IQCJ: variants seen among roughly 807,000 people sequenced by gnomAD.
IQCJ encodes the protein IQ motif containing J, also known as IQ domain-containing protein J.
In IQCJ, 9 loss-of-function variants were observed where a neutral mutation model predicts 11.0. The ratio of observed to expected loss-of-function variants is 0.82; its 90% CI spans 0.49 to 1.43. The LOEUF (loss-of-function observed/expected upper bound fraction) is 1.43. Among genes scored for constraint, IQCJ ranks in the 40% most tolerant of loss-of-function variants. The probability of loss-of-function intolerance (pLI) is 0.00; values close to 1 mark genes in which losing one functional copy is unlikely to be tolerated. For synonymous variants in IQCJ, 55 were observed against 51.3 expected, an observed-to-expected ratio of 1.07 and a Z score of -0.31; for missense variants, 146 against 133.2, an observed-to-expected ratio of 1.10 and a Z score of -0.47.
chr3:159,094,159 C>T (rs778677600), intron 1 of IQCJ, among the ~76,000 whole-genome samples: 5 of 151,754 alleles, frequency 3.3e-5, no homozygotes, highest in Non-Finnish European at 7.3e-5. Context: ...ACATTTCCTT[C>T]ATTCACAATA....
intron 1 of IQCJ, among the ~76,000 whole-genome samples, chr3:159,238,251 T>C (rs908835127): frequency 2.0e-5 from 3 of 152,168 alleles, no homozygotes; most frequent in Non-Finnish European, 4.4e-5. Context: ...TTCTTTCTTC[T>C]GCTACCCTCT....
At chr3:159,155,578 T>C in intron 1 of IQCJ, among the ~76,000 whole-genome samples, 1 of 152,252 alleles carries the variant, frequency 6.6e-6, no homozygotes, top group East Asian at 1.9e-4. Flanking sequence ...TAGTCTTTTA[T>C]AATATCAAAC....
At chr3:159,118,325 C>A (rs1014703258) in intron 1 of IQCJ, among the ~76,000 whole-genome samples, 3 of 152,100 alleles carry the variant, frequency 2.0e-5, no homozygotes, top group African/African-American at 7.2e-5. Context: ...ATGCTCCCAG[C>A]AGACTTCCCC....
chr3:159,193,187 C>G (rs1430313126), intron 1 of IQCJ, among the ~76,000 whole-genome samples: 2 of 152,166 alleles, frequency 1.3e-5, no homozygotes, highest in African/African-American at 4.8e-5. Context: ...AAATATCTCT[C>G]TCTGCAAACC....
chr3:159,109,095 G>A (rs1160686224), intron 1 of IQCJ, among the ~76,000 whole-genome samples: 1 of 152,214 alleles, frequency 6.6e-6, no homozygotes, highest in African/African-American at 2.4e-5. Context: ...CTCTAGACAT[G>A]AGATCTCCAG....
chr3:159,205,820 C>A lies in IQCJ; in HGVS notation c.10-40023C>A, dbSNP rs75122605. 1.2e-3 allele frequency among the ~76,000 whole-genome samples: 189 copies of A among 152,274 alleles called. 1 individual carries two copies. The highest frequency in any genetic ancestry group is 4.4e-3 in the African/African-American group (183 of 41,558). On this transcript the variant is annotated intron_variant, in intron 1 of 3. Transcript: ENST00000397832. ...TGGCAGGCAAATTCTGGCAAATTGA[C>A]TGTTTCTGCTTCCAAATTATAAAAT...
intron 1 of IQCJ, among the ~76,000 whole-genome samples, chr3:159,171,211 ATC>A (rs60816912): frequency 6.6e-6 from 1 of 152,016 alleles, no homozygotes; most frequent in African/African-American, 2.4e-5. Context: ...ATTAGCCAAC[ATC>A]TCTCTCTATC....
At chr3:159,178,328 A>G (rs1722898479) in intron 1 of IQCJ, among the ~76,000 whole-genome samples, 4 of 152,286 alleles carry the variant, frequency 2.6e-5, no homozygotes, top group African/African-American at 9.6e-5. Context: ...GGTTCCGTAT[A>G]GGCTTCGACT....
chr3:159,141,437 CA>C (rs1181399705), intron 1 of IQCJ, among the ~76,000 whole-genome samples: 1 of 152,092 alleles, frequency 6.6e-6, no homozygotes, highest in African/African-American at 2.4e-5. Flanking sequence ...GAGTTTTAAG[CA>C]GTAAAGGTGA....
chr3:159,216,999 A>G (rs1560029216), intron 1 of IQCJ, among the ~76,000 whole-genome samples: 1 of 152,152 alleles, frequency 6.6e-6, no homozygotes, highest in Non-Finnish European at 1.5e-5. Flanking sequence ...AGTACTCTGA[A>G]TTGAAATAGA....
At chr3:159,166,383 C>T (rs138803790) in intron 1 of IQCJ, among the ~76,000 whole-genome samples, 234 of 152,304 alleles carry the variant, frequency 1.5e-3, no homozygotes, top group African/African-American at 5.5e-3. Flanking sequence ...TCCTGCTGTA[C>T]TCTCAGTTAT....
intron 2 of IQCJ, among the ~76,000 whole-genome samples, chr3:159,250,758 G>A (rs1577115165): frequency 6.6e-6 from 1 of 152,222 alleles, no homozygotes; most frequent in Non-Finnish European, 1.5e-5. Context: ...TGACATGTGG[G>A]GATTATTACA....
At chr3:159,142,422 T>TA (rs1352810340) in intron 1 of IQCJ, among the ~76,000 whole-genome samples, 1 of 74,356 alleles carries the variant, frequency 1.3e-5, no homozygotes, top group Non-Finnish European at 2.9e-5. Flanking sequence ...GGCAGGTCTT[T>TA]TCCCCCCCCC....
In IQCJ at chr3:159,254,340, A is replaced by C. The variant is rs145166044; in HGVS notation, c.155+1533A>C. 5.5e-4 allele frequency among the ~76,000 whole-genome samples: 83 copies of C among 152,266 alleles called. 1 individual carries two copies. In the East Asian group the frequency reaches 0.012, roughly 22 times the overall value. On this transcript the variant is annotated intron_variant, in intron 3 of 3. Transcript: ENST00000397832. ...GGAGAAGGACTAGGCAGAGAAAAAA[A>C]ATCTCTGTGCTTCAGATTCCAGCCA...
chr3:159,124,749 A>G (rs977037527), intron 1 of IQCJ, among the ~76,000 whole-genome samples: 5 of 152,192 alleles, frequency 3.3e-5, no homozygotes, highest in African/African-American at 1.2e-4. Context: ...GGCATCTGGC[A>G]TGGAGTAGAT....
Position 159,142,430 on chromosome 3 carries a change from C to G in IQCJ, c.9+72989C>G, listed in dbSNP as rs570019693. ...ACTGAGGGGCAGGTCTTTTCCCCCC[C>G]CCACCAGATGGAGTCTCACGCTGTC... On this transcript the variant is annotated intron_variant, in intron 1 of 3. Coordinates refer to ENST00000397832, the MANE Select transcript of IQCJ (RefSeq NM_001042706.3). Among the ~76,000 whole-genome samples the G allele has an allele frequency of 2.8e-4, 36 of 129,930 alleles. 1 individual carries two copies. Among genetic ancestry groups the G allele is most frequent in the Non-Finnish European group, 5.3e-4 (29 of 55,148 alleles). 85.2% of individuals were successfully genotyped at this position (129,930 alleles called of 152,430 possible).
intron 1 of IQCJ, among the ~76,000 whole-genome samples, chr3:159,126,598 T>G (rs192453932): frequency 1.2e-4 from 19 of 152,314 alleles, no homozygotes; most frequent in Non-Finnish European, 2.2e-4. Flanking sequence ...AATCATCAAT[T>G]TAACTGAACT....
At chr3:159,249,705 C>A (rs191476428) in intron 2 of IQCJ, among the ~76,000 whole-genome samples, 5 of 152,318 alleles carry the variant, frequency 3.3e-5, no homozygotes, top group African/African-American at 4.8e-5. Flanking sequence ...TGATGTAAAT[C>A]ATCTCAGCTA....
intron 1 of IQCJ, among the ~76,000 whole-genome samples, chr3:159,152,566 A>G (rs574021061): frequency 1.3e-5 from 2 of 152,314 alleles, no homozygotes; most frequent in South Asian, 2.1e-4. Flanking sequence ...TCTGCAGCTT[A>G]CTTTTGTCAC....
Sources: allele counts gnomAD v4.1 joint callset (sites outside exome capture counted in the v4.1 genomes callset), GRCh38; gene constraint gnomAD v4.1.1; transcripts MANE v1.5; gene names NCBI Gene and HGNC (gene_info 2026-07-23, HGNC 2026-07-21).